Variants in PCDHGB7 observed in about 807,000 individuals in gnomAD.
PCDHGB7 encodes the protein protocadherin gamma-B7.
PCDHGB7 carries 37 observed loss-of-function variants against 61.4 expected under a neutral mutation model. The ratio of observed to expected loss-of-function variants is 0.60; its 90% confidence interval spans 0.46 to 0.79. The LOEUF (loss-of-function observed/expected upper bound fraction) is 0.79, where lower values mean the gene tolerates loss of function less well. PCDHGB7 is among the 30% of genes least tolerant of loss of function. The pLI, the probability that PCDHGB7 is intolerant of heterozygous loss-of-function variation, is 0.00. For synonymous variants in PCDHGB7, 464 were observed against 503.5 expected (o/e 0.92, Z 1.05); for missense variants, 1,166 against 1,202.5 (o/e 0.97, Z 0.45).
rs960870975 is a variant in PCDHGB7 at position 141,417,761 on chromosome 5, C to T, written c.-99C>T. On this transcript the variant is annotated 5_prime_UTR_variant, in exon 1 of 4. Coordinates refer to ENST00000398594, the MANE Select transcript of PCDHGB7 (RefSeq NM_018927.4). ...ACACCAGATTGCCAGCTCCGAGACC[C>T]GGGACTCCTCCTGTCCTGGGCCGAA... is the stretch of plus-strand genomic sequence containing the variant. 1.8e-5 allele frequency: 26 copies of T among 1,438,736 alleles called. No homozygotes were observed. The East Asian group carries it at 5.0e-4, about 28-fold the overall frequency. The allele number at this position is 1,438,736 out of a possible 1,614,324, so 89.1% of individuals were successfully genotyped here.
At chr5:141,446,061 AG>A (rs903957950) in intron 1 of PCDHGB7, among the ~76,000 whole-genome samples, 3 of 152,226 alleles carry the variant, frequency 2.0e-5, no homozygotes, top group African/African-American at 7.2e-5. Context: ...CTTGGATTAA[AG>A]GGGAGGCAGT....
At chr5:141,451,703 A>C (rs975120935) in intron 1 of PCDHGB7, among the ~76,000 whole-genome samples, 2 of 152,144 alleles carry the variant, frequency 1.3e-5, no homozygotes, top group Non-Finnish European at 2.9e-5. Context: ...GTAACATGAC[A>C]AAACCCTGCC....
chr5:141,489,692 G>C lies in PCDHGB7; in HGVS notation c.2416-5115G>C, dbSNP rs768806028. The stretch of plus-strand genomic sequence containing the variant: ...TCAGAATCAGCAGCATCTGGGGCAC[G>C]ATTCCCACTGGACAGTGCCCAGGAT... On this transcript the variant is annotated intron_variant, in intron 1 of 3. Transcript: ENST00000398594. This position sits in a 1 kb window ranked among gnomAD's most constrained non-coding sequence, Gnocchi z 4.5. 6.2e-7 allele frequency: 1 copy of C among 1,614,128 alleles called. No individual in the cohort carries two copies. Among genetic ancestry groups the C allele is most frequent in the South Asian group, 1.1e-5 (1 of 91,080 alleles).
At position 141,505,403 on chromosome 5, in the gene PCDHGB7, G is replaced by A; in HGVS notation, c.2485G>A (p.Gly829Ser). The A allele has an allele frequency of 6.2e-7, 1 of 1,614,186 alleles. No individual in the cohort carries two copies. The highest frequency in any genetic ancestry group is 8.5e-7 in the Non-Finnish European group (1 of 1,180,038). ...QRPGTSGSQN[G>S]DDTGTWPNNQ... ...CTACTCTCTCCCCAGCTCCCAAAAT[G>A]GCGATGACACCGGCACCTGGCCCAA... Residue 829 changes from glycine (G) to serine (S), a missense_variant, in exon 3 of 4, where the codon GGC (glycine) becomes AGC (serine). Coordinates refer to ENST00000398594, the MANE Select transcript of PCDHGB7 (RefSeq NM_018927.4).
intron 1 of PCDHGB7, chr5:141,427,811 C>T (rs1335555425): frequency 6.6e-7 from 1 of 1,523,180 alleles, no homozygotes; most frequent in Admixed American, 1.7e-5. Flanking sequence ...GCGCACAGAG[C>T]GGGGTGGTGG....
chr5:141,450,110 G>C (rs2098669636), intron 1 of PCDHGB7, among the ~76,000 whole-genome samples: 1 of 147,716 alleles, frequency 6.8e-6, no homozygotes. Context: ...AGGTTCAAAT[G>C]ATTCTCCTGC....
chr5:141,440,918 A>C (rs2154559108), intron 1 of PCDHGB7: 1 of 152,384 alleles, frequency 6.6e-6, no homozygotes, highest in Admixed American at 6.5e-5. Context: ...TCCTGTGCTG[A>C]GAGTGAGGGC....
Position 141,476,437 on chromosome 5 carries a change from T to C in PCDHGB7, c.2416-18370T>C, listed in dbSNP as rs1260141259. The C allele has an allele frequency of 6.2e-7, 1 of 1,614,004 alleles. No homozygotes were observed. Among genetic ancestry groups the C allele is most frequent in the East Asian group, 2.2e-5 (1 of 44,836 alleles). ...GGACACTGCCCTCTTGCACTGTAAC[T>C]CTGGAGTTGGTAGTGGAGAACCCGC... On this transcript the variant is annotated intron_variant, in intron 1 of 3. Transcript: ENST00000398594. This position sits in a 1 kb window ranked among gnomAD's most constrained non-coding sequence, Gnocchi z 7.6.
intron 2 of PCDHGB7, among the ~76,000 whole-genome samples, chr5:141,495,720 G>A (rs1048453188): frequency 2.6e-5 from 4 of 152,080 alleles, no homozygotes; most frequent in Non-Finnish European, 5.9e-5. Context: ...GTAACTACAC[G>A]GGACCCTTAG....
chr5:141,484,004 G>C (rs1042457090), intron 1 of PCDHGB7, among the ~76,000 whole-genome samples: 5 of 146,164 alleles, frequency 3.4e-5, no homozygotes, highest in Non-Finnish European at 4.5e-5. Flanking sequence ...AGGTCTGGAT[G>C]AGGGTGGGGG....
chr5:141,432,918 A>C lies in PCDHGB7; in HGVS notation c.2415+12644A>C. ...CTGGCGCTCAGGCTGCGGCGCTGGC[A>C]CAAGTCACGCCTGCTGCAGGCTTCA... On this transcript the variant is annotated intron_variant, in intron 1 of 3. Coordinates refer to ENST00000398594, the MANE Select transcript of PCDHGB7 (RefSeq NM_018927.4). This position sits in a 1 kb window ranked among gnomAD's most constrained non-coding sequence, Gnocchi z 6.0. 1 of 1,614,128 alleles carries C rather than the reference A, an allele frequency of 6.2e-7. No homozygotes were observed. Among genetic ancestry groups the C allele is most frequent in the South Asian group, 1.1e-5 (1 of 91,082 alleles).
intron 1 of PCDHGB7, among the ~76,000 whole-genome samples, chr5:141,472,688 A>G (rs970538300): frequency 2.0e-5 from 3 of 151,384 alleles, no homozygotes; most frequent in African/African-American, 7.3e-5. Context: ...CATTTCCCCT[A>G]GAAATAAGTG....
intron 1 of PCDHGB7, among the ~76,000 whole-genome samples, chr5:141,468,830 C>T (rs561511870): frequency 2.0e-5 from 3 of 152,170 alleles, no homozygotes; most frequent in East Asian, 1.9e-4. Flanking sequence ...CAAGCCACTG[C>T]ACTCCAGCCT....
intron 1 of PCDHGB7, among the ~76,000 whole-genome samples, chr5:141,461,819 A>G (rs573339238): frequency 1.3e-5 from 2 of 149,282 alleles, no homozygotes; most frequent in African/African-American, 2.5e-5. Flanking sequence ...ACACCCAGCT[A>G]ATTTTTTTTT....
intron 3 of PCDHGB7, among the ~76,000 whole-genome samples, chr5:141,509,347 C>A (rs755234053): frequency 2.6e-5 from 4 of 152,142 alleles, no homozygotes; most frequent in Non-Finnish European, 5.9e-5. Context: ...CCTGGGCTGG[C>A]CTGGGCATCC....
In PCDHGB7 at chr5:141,419,300, T is replaced by G. The variant is rs2096356436; in HGVS notation, c.1441T>G (p.Phe481Val). ...IAQVSASDPD[F>V]GLNGRVSYSL... Reference sequence around the variant, plus strand: ...GCAAGTCAGTGCCTCTGACCCAGACTTCGGGCTCAACGGCCGTGTCTCCTA... The same window carrying G: ...GCAAGTCAGTGCCTCTGACCCAGACGTCGGGCTCAACGGCCGTGTCTCCTA... The change falls in exon 1 of 4, where the codon TTC becomes GTC. Residue 481 changes from phenylalanine (F) to valine (V), a missense_variant. Phe to Val is a conservative substitution (Grantham distance 50). Transcript: ENST00000398594. The G allele has an allele frequency of 1.9e-6, 3 of 1,613,998 alleles. No homozygotes were observed. The highest frequency in any genetic ancestry group is 2.5e-6 in the Non-Finnish European group (3 of 1,179,886).
chr5:141,502,524 C>T (rs959562458), intron 2 of PCDHGB7, among the ~76,000 whole-genome samples: 3 of 151,910 alleles, frequency 2.0e-5, no homozygotes, highest in East Asian at 1.9e-4. Flanking sequence ...TCAGTGATGC[C>T]GAGTTTGTTC....
rs1004061582 is a variant in PCDHGB7, at chr5:141,477,406, A to C, written c.2416-17401A>C. ...AATACAACCTCAGCATCACCGCCCG[A>C]GACGCCGGAACCCCTTCCCTCTCAG... On this transcript the variant is annotated intron_variant, in intron 1 of 3. Transcript: ENST00000398594. The surrounding 1 kb of genome is among the most constrained non-coding windows in gnomAD (Gnocchi z 4.9). 6.2e-7 allele frequency: 1 copy of C among 1,614,036 alleles called. No homozygotes were observed. Among genetic ancestry groups the C allele is most frequent in the Admixed American group, 1.7e-5 (1 of 59,994 alleles).
intron 1 of PCDHGB7, among the ~76,000 whole-genome samples, chr5:141,479,996 G>A (rs759188600): frequency 7.2e-5 from 11 of 152,244 alleles, no homozygotes; most frequent in Middle Eastern, 3.2e-3. Context: ...CTAGGAGTCT[G>A]TGGCCAAGTT....
Sources: allele counts gnomAD v4.1 joint callset (sites outside exome capture counted in the v4.1 genomes callset), GRCh38; gene constraint gnomAD v4.1.1; non-coding constraint Gnocchi (gnomAD v3.1); transcripts MANE v1.5; gene names NCBI Gene and HGNC (gene_info 2026-07-23, HGNC 2026-07-21).